The following SERPINB9 variants were observed in gnomAD, a reference collection of about 807,000 sequenced individuals.
SERPINB9 encodes serpin B9.
SERPINB9 carries 20 observed loss-of-function variants against 27.2 expected under a neutral mutation model. That is an observed-to-expected ratio of 0.74 (90% CI 0.52 to 1.07). The LOEUF (loss-of-function observed/expected upper bound fraction) is 1.07. Ranked by LOEUF, SERPINB9 falls within the 50% of genes least tolerant of loss-of-function variation. The pLI, the probability that SERPINB9 is intolerant of heterozygous loss-of-function variation, is 0.00. For missense variants in SERPINB9, 476 were observed against 460.1 expected, an observed-to-expected ratio of 1.03 and a Z score of -0.32; for synonymous variants, 189 against 180.0, an observed-to-expected ratio of 1.05 and a Z score of -0.40.
chr6:2,890,223 G>A lies in SERPINB9; in HGVS notation c.1071C>T (p.Phe357=). 1 of 1,614,204 alleles carries A rather than the reference G, an allele frequency of 6.2e-7. No individual in the cohort carries two copies. Among genetic ancestry groups the A allele is most frequent in the Non-Finnish European group, 8.5e-7 (1 of 1,180,044 alleles). The part of the protein sequence containing the change: ...PRFCADHPFL[F]FIRHNRANSI... ...TGTTGGCTCTGTTGTGCCTGATGAAGAAAAGGAAAGGGTGGTCAGCACAGA... is the reference window on the plus strand; with the variant it reads ...TGTTGGCTCTGTTGTGCCTGATGAAAAAAAGGAAAGGGTGGTCAGCACAGA... The change falls in exon 7 of 7, where the codon TTC becomes TTT. Residue 357 remains phenylalanine (F), a synonymous_variant. Coordinates refer to ENST00000380698, the MANE Select transcript of SERPINB9 (RefSeq NM_004155.6). The surrounding 1 kb of genome is among the most constrained non-coding windows in gnomAD (Gnocchi z 6.2).
At chr6:2,892,041 T>G in intron 5 of SERPINB9, 53 bp from the exon 6 acceptor site, 1 of 1,571,462 alleles carries the variant, frequency 6.4e-7, no homozygotes, top group Non-Finnish European at 8.6e-7. Context: ...AGAGCTGCAG[T>G]TGCCTCCAAG....
rs893986573 is a variant in SERPINB9, at chr6:2,894,044, G to C, written c.425-491C>G. Among the ~76,000 whole-genome samples the C allele has an allele frequency of 1.3e-5, 2 of 152,088 alleles. No homozygotes were observed. The highest frequency in any genetic ancestry group is 4.8e-5 in the African/African-American group (2 of 41,400). ...AGCTTTTGGAGGAGATATTCCTGCT[G>C]AATCCCCTCAACAAAGCACTAGGCA... On this transcript the variant is annotated intron_variant, in intron 4 of 6. Transcript: ENST00000380698. The surrounding 1 kb of genome is among the most constrained non-coding windows in gnomAD (Gnocchi z 4.7).
intron 1 of SERPINB9, among the ~76,000 whole-genome samples, chr6:2,901,630 C>G: frequency 6.6e-6 from 1 of 152,104 alleles, no homozygotes. Context: ...AACCCCCACC[C>G]CCAGGCTGCA....
intron 2 of SERPINB9, among the ~76,000 whole-genome samples, chr6:2,896,509 G>A (rs931339072): frequency 1.3e-4 from 20 of 152,020 alleles, no homozygotes; most frequent in Admixed American, 9.2e-4. Flanking sequence ...AAAAATAGAC[G>A]GAAATACAAT....
At chr6:2,902,906 G>A (rs941168253) in intron 1 of SERPINB9, among the ~76,000 whole-genome samples, 3 of 152,224 alleles carry the variant, frequency 2.0e-5, no homozygotes, top group African/African-American at 4.8e-5. Flanking sequence ...AGAACACAGG[G>A]CCGGCAGGTG....
chr6:2,891,489 C>G lies in SERPINB9; in HGVS notation c.723+344G>C, dbSNP rs550257609. Among the ~76,000 whole-genome samples, 1 of 152,150 alleles carries G rather than the reference C, an allele frequency of 6.6e-6. No homozygotes were observed. Among genetic ancestry groups the G allele is most frequent in the Non-Finnish European group, 1.5e-5 (1 of 68,030 alleles). On this transcript the variant is annotated intron_variant, in intron 6 of 6. Transcript: ENST00000380698. This position sits in a 1 kb window ranked among gnomAD's most constrained non-coding sequence, Gnocchi z 4.0. ...TCATAACTCTAGGAGGCAATAACCC[C>G]GAGCAGTCATTTATGCTTTTAGAGT...
chr6:2,902,330 A>T (rs1185414412), intron 1 of SERPINB9, among the ~76,000 whole-genome samples: 14 of 152,036 alleles, frequency 9.2e-5, no homozygotes, highest in Middle Eastern at 3.4e-3. Context: ...GTGATTCCTC[A>T]TCTTGCTGGT....
At position 2,895,034 on chromosome 6, in the gene SERPINB9, G is replaced by A. The variant is rs562006860; in HGVS notation, c.424+357C>T. On this transcript the variant is annotated intron_variant, in intron 4 of 6. Transcript: ENST00000380698. ...GGCCTTCTAAATTGCTGGGATTACA[G>A]GCGAGAGCCACCGTGGCTGGCCCTC... Among the ~76,000 whole-genome samples the A allele has an allele frequency of 4.6e-5, 7 of 152,304 alleles. No homozygotes were observed. The South Asian group carries it at 1.5e-3, about 32-fold the overall frequency.
rs1439856520 is a variant in SERPINB9 at position 2,893,395 on chromosome 6, A to C, written c.567+16T>G. 3 of 1,592,810 alleles carry C rather than the reference A, an allele frequency of 1.9e-6. No individual in the cohort carries two copies. Among genetic ancestry groups the C allele is most frequent in the East Asian group, 2.3e-5 (1 of 44,162 alleles). ...TTCTTCATCAAACTAGCAGGATTTT[A>C]AAAAGCTTCCCCCACCTGGTTTATT... On this transcript the variant is annotated intron_variant, in intron 5 of 6. Transcript: ENST00000380698.
chr6:2,899,448 A>G (rs1029453143), intron 2 of SERPINB9, among the ~76,000 whole-genome samples: 19 of 152,126 alleles, frequency 1.2e-4, no homozygotes, highest in Non-Finnish European at 1.9e-4. Context: ...CCAACCTCAC[A>G]CTGACATCAC....
chr6:2,890,113 C>A lies in SERPINB9; in HGVS notation c.*50G>T. On this transcript the variant is annotated 3_prime_UTR_variant, in exon 7 of 7. Coordinates refer to ENST00000380698, the MANE Select transcript of SERPINB9 (RefSeq NM_004155.6). This position sits in a 1 kb window ranked among gnomAD's most constrained non-coding sequence, Gnocchi z 6.2. ...ATCCTCTTGGAGCTGTAGTGGGGAT[C>A]TGGGGACACAGGAAGAGGGAAATGG... The A allele has an allele frequency of 6.4e-7, 1 of 1,568,948 alleles. No individual in the cohort carries two copies. Among genetic ancestry groups the A allele is most frequent in the South Asian group, 1.2e-5 (1 of 85,382 alleles).
chr6:2,901,447 G>C (rs1228491455), intron 1 of SERPINB9, among the ~76,000 whole-genome samples: 1 of 152,090 alleles, frequency 6.6e-6, no homozygotes, highest in Non-Finnish European at 1.5e-5. Context: ...TGTAGATTGT[G>C]CGTGAGAGGA....
rs1445491004 is a variant in SERPINB9 at position 2,889,648 on chromosome 6, T to C, written c.*515A>G. 8 of 141,342 alleles carry C rather than the reference T, an allele frequency of 5.7e-5. No homozygotes were observed. The East Asian group carries it at 1.7e-3, about 29-fold the overall frequency. 8.8% of individuals were successfully genotyped at this position (141,342 alleles called of 1,614,324 possible). A position where few individuals can be genotyped will look rare whatever the true frequency, so the allele number is the denominator to read the frequency against. On this transcript the variant is annotated 3_prime_UTR_variant, in exon 7 of 7. Coordinates refer to ENST00000380698, the MANE Select transcript of SERPINB9 (RefSeq NM_004155.6). ...AGGCGGAGCTTGCAGTGAGCCGAGA[T>C]CGAGCCACTGCACTCCAGCCTGGGC...
intron 1 of SERPINB9, among the ~76,000 whole-genome samples, chr6:2,902,424 A>G (rs1768236804): frequency 6.6e-6 from 1 of 152,244 alleles, no homozygotes; most frequent in Admixed American, 6.5e-5. Context: ...TAGCTGAATT[A>G]TTGAAAGAAT....
intron 1 of SERPINB9, 56 bp from the exon 2 acceptor site, chr6:2,900,677 C>G (rs189438546): frequency 1.4e-4 from 212 of 1,487,380 alleles, no homozygotes; most frequent in Admixed American, 2.3e-4. Context: ...ATGTTACTGA[C>G]CTACTTACTA....
rs1768154822 is a variant in SERPINB9 at position 2,900,356 on chromosome 6, C to T, written c.168+88G>A. On this transcript the variant is annotated intron_variant, in intron 2 of 6. Transcript: ENST00000380698. ...TCGGGCCCCAGTCCTGCCCTCCTTT[C>T]TCAGTGGCTCTGGAGTGTGAGTGTG... 3 of 1,502,960 alleles carry T rather than the reference C, an allele frequency of 2.0e-6. No homozygotes were observed. In the Admixed American group the frequency reaches 6.0e-5, roughly 30 times the overall value. 93.1% of individuals were successfully genotyped at this position (1,502,960 alleles called of 1,614,324 possible).
intron 1 of SERPINB9, among the ~76,000 whole-genome samples, chr6:2,900,929 C>T (rs1768179757): frequency 1.2e-5 from 1 of 83,808 alleles, no homozygotes; most frequent in Admixed American, 1.2e-4. Context: ...AAGCAGTGAA[C>T]TCCAATTCTT....
rs759692562 is a variant in SERPINB9, at chr6:2,891,922, C to T, written c.634G>A (p.Val212Met). The stretch of plus-strand genomic sequence containing the variant: ...GGCAGCTCCAGCAGCTGCGCGCGCA[C>T]CTCGCCCACGTGGGCGAGCTTAAAC... ...ATFKLAHVGE[V>M]RAQLLELPYA... The change falls in exon 6 of 7, where the codon GTG becomes ATG. Residue 212 changes from valine (V) to methionine (M), a missense_variant. By Grantham distance (21) the Val-to-Met change is conservative. Transcript: ENST00000380698. The surrounding 1 kb of genome is among the most constrained non-coding windows in gnomAD (Gnocchi z 4.0). The T allele has an allele frequency of 1.2e-6, 2 of 1,613,338 alleles. No homozygotes were observed. Among genetic ancestry groups the T allele is most frequent in the South Asian group, 1.1e-5 (1 of 91,076 alleles).
Position 2,890,538 on chromosome 6 carries a change from T to A in SERPINB9, c.756A>T (p.Thr252=). ...VEKSLTFEKL[T]AWTKPDCMKS... The stretch of plus-strand genomic sequence containing the variant: ...TCATACAGTCTGGCTTGGTCCAGGC[T>A]GTGAGTTTCTCAAAAGTGAGACTTT... The change falls in exon 7 of 7, where the codon ACA becomes ACT. Residue 252 remains threonine, a synonymous_variant. Coordinates refer to ENST00000380698, the MANE Select transcript of SERPINB9 (RefSeq NM_004155.6). The surrounding 1 kb of genome is among the most constrained non-coding windows in gnomAD (Gnocchi z 6.2). The A allele has an allele frequency of 6.2e-7, 1 of 1,610,004 alleles. No homozygotes were observed. The highest frequency in any genetic ancestry group is 8.5e-7 in the Non-Finnish European group (1 of 1,176,890).
Sources: gnomAD v4.1 joint callset for allele counts (sites outside exome capture counted in the v4.1 genomes callset) on GRCh38, gnomAD v4.1.1 for gene constraint, Gnocchi (gnomAD v3.1) non-coding constraint, MANE v1.5 for transcripts, NCBI Gene and HGNC (gene_info 2026-07-23, HGNC 2026-07-21) for gene names.